TAFA5: variants seen among roughly 807,000 people sequenced by gnomAD.
The protein encoded by TAFA5 is chemokine-like protein TAFA-5.
A neutral mutation model predicts 15.3 loss-of-function variants in TAFA5; 6 were observed. That is an observed-to-expected ratio of 0.39 (90% CI 0.21 to 0.77). The LOEUF is 0.77. Ranked by LOEUF, TAFA5 falls within the 30% of genes least tolerant of loss-of-function variation. The pLI is 0.41. For missense variants in TAFA5, 161 were observed against 193.1 expected (o/e 0.83, Z 0.98); for synonymous variants, 103 against 80.7 (o/e 1.28, Z -1.48).
chr22:48,539,078 GT>G (rs2147117711), intron 1 of TAFA5: 1 of 254,406 alleles, frequency 3.9e-6, no homozygotes, highest in African/African-American at 2.2e-5. Flanking sequence ...CACTGGCTCG[GT>G]CTTCCAGCTC....
Position 48,646,614 on chromosome 22 carries a change from A to G in TAFA5, c.130A>G (p.Thr44Ala). 6.2e-7 allele frequency: 1 copy of G among 1,612,426 alleles called. No individual in the cohort carries two copies. Among genetic ancestry groups the G allele is most frequent in the Non-Finnish European group, 8.5e-7 (1 of 1,179,690 alleles). ...CTCTGCAGGTCAGCTGGCCGCCGGC[A>G]CCTGTGAGATTGTGACCTTGGACCG... is the stretch of plus-strand genomic sequence containing the variant. ...IAYCSQLAAG[T>A]CEIVTLDRDS... Residue 44 changes from threonine (T) to alanine (A), a missense_variant, in exon 2 of 4, where the codon ACC (threonine) becomes GCC (alanine). By Grantham distance (58) the Thr-to-Ala change is moderately conservative. Transcript: ENST00000402357.
At chr22:48,693,442 C>A in intron 2 of TAFA5, 2 of 1,604,778 alleles carry the variant, frequency 1.2e-6, no homozygotes, top group Non-Finnish European at 1.7e-6. Context: ...GGAGGGACTG[C>A]GACTCTTGCA....
rs1435006206 is a variant in TAFA5 at position 48,576,309 on chromosome 22, G to T, written c.113-70288G>T. 3.9e-6 allele frequency: 4 copies of T among 1,038,568 alleles called. No individual in the cohort carries two copies. In the East Asian group the frequency reaches 2.4e-4, roughly 61 times the overall value. The allele number at this position is 1,038,568 out of a possible 1,614,324, so 64.3% of individuals were successfully genotyped here. ...CGCTCCCCTCCCCCCTGCCCAGAAA[G>T]ACACAAATCGCCTCCCGGAGTGGCG... On this transcript the variant is annotated intron_variant, in intron 1 of 3. Transcript: ENST00000402357.
chr22:48,728,406 C>A (rs1929768882), intron 3 of TAFA5, among the ~76,000 whole-genome samples: 1 of 152,198 alleles, frequency 6.6e-6, no homozygotes, highest in Admixed American at 6.5e-5. Context: ...CTGGATGGAG[C>A]AACTGCCAGA....
intron 1 of TAFA5, among the ~76,000 whole-genome samples, chr22:48,588,544 C>T (rs1924443132): frequency 1.3e-5 from 2 of 152,180 alleles, no homozygotes; most frequent in African/African-American, 4.8e-5. Context: ...TCACCCCGTC[C>T]CCTGTGTTGG....
At chr22:48,585,711 A>G (rs1601596764) in intron 1 of TAFA5, among the ~76,000 whole-genome samples, 1 of 151,430 alleles carries the variant, frequency 6.6e-6, no homozygotes, top group East Asian at 2.0e-4. Flanking sequence ...GACACAGAAT[A>G]TACCACACAC....
At chr22:48,612,550 C>T (rs936132668) in intron 1 of TAFA5, among the ~76,000 whole-genome samples, 2 of 152,120 alleles carry the variant, frequency 1.3e-5, no homozygotes, top group Non-Finnish European at 2.9e-5. Flanking sequence ...TGGGCTCTTC[C>T]GACCCCCAGC....
chr22:48,576,704 G>T (rs1337587968), intron 1 of TAFA5: 6 of 1,093,472 alleles, frequency 5.5e-6, no homozygotes, highest in Non-Finnish European at 6.9e-6. Context: ...GCCACTGCGG[G>T]CCCGGAGCGG....
intron 1 of TAFA5, among the ~76,000 whole-genome samples, chr22:48,575,460 G>A (rs1923738190): frequency 6.8e-6 from 1 of 146,294 alleles, no homozygotes; most frequent in African/African-American, 2.4e-5. Flanking sequence ...CGACTGCGCC[G>A]CGCTCCCCCT....
At chr22:48,684,964 G>GTGAT (rs1436205959) in intron 2 of TAFA5, among the ~76,000 whole-genome samples, 1 of 152,226 alleles carries the variant, frequency 6.6e-6, no homozygotes, top group African/African-American at 2.4e-5. Context: ...ATGGCCTTGG[G>GTGAT]TGATAGTCTC....
At position 48,643,966 on chromosome 22, in the gene TAFA5, G is replaced by A. The variant is rs376724717; in HGVS notation, c.113-2631G>A. ...CAGATCACAGTGACTTTCCTTCTGC[G>A]TAAATCACAACGTAAGAACGTGTGC... On this transcript the variant is annotated intron_variant, in intron 1 of 3. Transcript: ENST00000402357. 5.3e-4 allele frequency among the ~76,000 whole-genome samples: 80 copies of A among 152,334 alleles called. 1 individual carries two copies. Among genetic ancestry groups the A allele is most frequent in the African/African-American group, 1.8e-3 (74 of 41,578 alleles).
chr22:48,705,591 G>A (rs776160009), intron 2 of TAFA5, among the ~76,000 whole-genome samples: 2 of 152,202 alleles, frequency 1.3e-5, no homozygotes, highest in East Asian at 1.9e-4. Context: ...GTGGTCCAGC[G>A]GCATGATTGG....
intron 2 of TAFA5, among the ~76,000 whole-genome samples, chr22:48,665,574 C>T (rs76481854): frequency 0.019 from 2,914 of 152,038 alleles, 81 homozygotes; most frequent in African/African-American, 0.066. Flanking sequence ...TGAGATGGAT[C>T]TCAAGGCACA....
chr22:48,743,282 C>G (rs1930234211), intron 3 of TAFA5, among the ~76,000 whole-genome samples: 2 of 151,940 alleles, frequency 1.3e-5, no homozygotes, highest in South Asian at 4.2e-4. Flanking sequence ...TTGGGAGGCT[C>G]CAGCAGAGGG....
chr22:48,576,776 G>C (rs1321945651), intron 1 of TAFA5, among the ~76,000 whole-genome samples: 1 of 151,540 alleles, frequency 6.6e-6, no homozygotes, highest in Non-Finnish European at 1.5e-5. Flanking sequence ...CGCGCCCATC[G>C]GGGCTCACCG....
chr22:48,643,292 G>A (rs1464502925), intron 1 of TAFA5, among the ~76,000 whole-genome samples: 1 of 152,172 alleles, frequency 6.6e-6, no homozygotes, highest in Admixed American at 6.5e-5. Flanking sequence ...AGGCCCTGAT[G>A]CCTCCTCTGG....
rs1293619613 is a variant in TAFA5 at position 48,751,022 on chromosome 22, C to A, written c.*1175C>A. 1.3e-5 allele frequency: 2 copies of A among 152,326 alleles called. No individual in the cohort carries two copies. Among genetic ancestry groups the A allele is most frequent in the Non-Finnish European group, 2.9e-5 (2 of 68,042 alleles). The allele number at this position is 152,326 out of a possible 1,614,324, so 9.4% of individuals were successfully genotyped here. A position where few individuals can be genotyped will look rare whatever the true frequency, so the allele number is the denominator to read the frequency against. On this transcript the variant is annotated 3_prime_UTR_variant, in exon 4 of 4. Coordinates refer to ENST00000402357, the MANE Select transcript of TAFA5 (RefSeq NM_001082967.3). Reference sequence around the variant, plus strand: ...ACGGAAGGCGGGACTCTGGGAGAAGCGTGCGGAGGACCGTGGCGTCGGCGT... The same window carrying A: ...ACGGAAGGCGGGACTCTGGGAGAAGAGTGCGGAGGACCGTGGCGTCGGCGT...
chr22:48,735,921 C>A lies in TAFA5; in HGVS notation c.391-13918C>A, dbSNP rs1334003071. On this transcript the variant is annotated intron_variant, in intron 3 of 3. Transcript: ENST00000402357. ...TCCTAGAGTCCAGAGTCCATCCCCC[C>A]AGGAGGAATGAGAATCGCACTCCTA... Among the ~76,000 whole-genome samples, 302 of 146,392 alleles carry A rather than the reference C, an allele frequency of 2.1e-3. 11 individuals are homozygous for A. The highest frequency in any genetic ancestry group is 2.7e-3 in the Non-Finnish European group (179 of 66,782).
intron 2 of TAFA5, among the ~76,000 whole-genome samples, chr22:48,698,174 T>G (rs1928786051): frequency 6.6e-6 from 1 of 150,912 alleles, no homozygotes; most frequent in Non-Finnish European, 1.5e-5. Context: ...ATAGTAGTGA[T>G]GATGGTGGTG....
Sources: allele counts gnomAD v4.1 joint callset (sites outside exome capture counted in the v4.1 genomes callset), GRCh38; gene constraint gnomAD v4.1.1; transcripts MANE v1.5; gene names NCBI Gene and HGNC (gene_info 2026-07-23, HGNC 2026-07-21).